GFRA1: variants seen among roughly 807,000 people sequenced by gnomAD.
GFRA1 encodes the protein GDNF family receptor alpha 1, also known as GDNF family receptor alpha-1.
A neutral mutation model predicts 51.6 loss-of-function variants in GFRA1; 16 were observed. That is an observed-to-expected ratio of 0.31 (90% CI 0.21 to 0.47). GFRA1 has a LOEUF of 0.47. GFRA1 is among the 20% of genes least tolerant of loss of function. The pLI, the probability that GFRA1 is intolerant of heterozygous loss-of-function variation, is 1.00. For missense variants in GFRA1, 530 were observed against 594.3 expected, an observed-to-expected ratio of 0.89 and a Z score of 1.13; for synonymous variants, 270 against 241.3, an observed-to-expected ratio of 1.12 and a Z score of -1.10.
chr10:116,119,184 C>A (rs1589803468), intron 6 of GFRA1, among the ~76,000 whole-genome samples: 2 of 152,220 alleles, frequency 1.3e-5, no homozygotes, highest in African/African-American at 4.8e-5. Flanking sequence ...AGGTGCCCCT[C>A]CCCATGGGAT....
chr10:116,209,166 G>A (rs1036205567), intron 5 of GFRA1, among the ~76,000 whole-genome samples: 4 of 152,164 alleles, frequency 2.6e-5, no homozygotes, highest in Non-Finnish European at 4.4e-5. Flanking sequence ...CAGGGTAGAC[G>A]CACACTCTCA....
At chr10:116,214,846 T>G (rs1241864098) in intron 4 of GFRA1, among the ~76,000 whole-genome samples, 1 of 152,244 alleles carries the variant, frequency 6.6e-6, no homozygotes, top group Non-Finnish European at 1.5e-5. Context: ...AGGGATTTAG[T>G]GACTTTATTC....
chr10:116,214,566 C>T (rs1234640716), intron 4 of GFRA1, among the ~76,000 whole-genome samples: 1 of 152,172 alleles, frequency 6.6e-6, no homozygotes, highest in Non-Finnish European at 1.5e-5. Flanking sequence ...TTCATTTAAC[C>T]TTAATGAAGC....
chr10:116,187,802 T>C (rs972388903), intron 5 of GFRA1, among the ~76,000 whole-genome samples: 1 of 152,114 alleles, frequency 6.6e-6, no homozygotes, highest in Non-Finnish European at 1.5e-5. Context: ...AAAATCTAGA[T>C]GAAGGCAGTG....
At chr10:116,107,006 T>C (rs1957032382) in intron 6 of GFRA1, among the ~76,000 whole-genome samples, 1 of 152,192 alleles carries the variant, frequency 6.6e-6, no homozygotes, top group South Asian at 2.1e-4. Flanking sequence ...CTGAGGCCTC[T>C]GCAGAAGCTG....
At chr10:116,238,190 T>C (rs1404309340) in intron 4 of GFRA1, among the ~76,000 whole-genome samples, 1 of 152,196 alleles carries the variant, frequency 6.6e-6, no homozygotes, top group African/African-American at 2.4e-5. Context: ...GGCTCTTTTG[T>C]GCGCAGCTGC....
At chr10:116,233,730 C>A (rs554088254) in intron 4 of GFRA1, among the ~76,000 whole-genome samples, 1 of 152,320 alleles carries the variant, frequency 6.6e-6, no homozygotes, top group Non-Finnish European at 1.5e-5. Flanking sequence ...ATCTGTTCTG[C>A]TCAACTGGCT....
rs1029251138 is a variant in GFRA1 at position 116,079,406 on chromosome 10, C to G, written c.1197+10335G>C. Among the ~76,000 whole-genome samples the G allele has an allele frequency of 2.0e-5, 3 of 152,222 alleles. No individual in the cohort carries two copies. The East Asian group carries it at 5.8e-4, about 30-fold the overall frequency. The stretch of plus-strand genomic sequence containing the variant: ...ATTTGGTCCAGTGCACCAGTTTACA[C>G]TTATATCTCCCTATGCTCCTTGCTA... On this transcript the variant is annotated intron_variant, in intron 9 of 10. Coordinates refer to ENST00000355422, the MANE Select transcript of GFRA1 (RefSeq NM_005264.8).
At chr10:116,072,072 CT>C (rs572390494) in intron 9 of GFRA1, among the ~76,000 whole-genome samples, 240 of 142,138 alleles carry the variant, frequency 1.7e-3, no homozygotes, top group South Asian at 7.6e-3. Flanking sequence ...AATCCAAAGG[CT>C]TTTTTTTTTT....
At chr10:116,271,523 G>C (rs1843936579) in intron 2 of GFRA1, among the ~76,000 whole-genome samples, 1 of 152,158 alleles carries the variant, frequency 6.6e-6, no homozygotes, top group Non-Finnish European at 1.5e-5. Context: ...TGCGGCGGCG[G>C]ACTGGGCACC....
chr10:116,099,808 A>T (rs1319747450), intron 6 of GFRA1, among the ~76,000 whole-genome samples: 1 of 152,236 alleles, frequency 6.6e-6, no homozygotes, highest in East Asian at 1.9e-4. Context: ...TGTTCTTGAT[A>T]AAAGGTAAGA....
intron 4 of GFRA1, among the ~76,000 whole-genome samples, chr10:116,229,669 T>C (rs1966558499): frequency 6.6e-6 from 1 of 152,144 alleles, no homozygotes; most frequent in Non-Finnish European, 1.5e-5. Flanking sequence ...CCTGCTAGGT[T>C]AAAACAGACC....
At chr10:116,065,113 T>TACACAAGAA (rs1955038641) in intron 10 of GFRA1, among the ~76,000 whole-genome samples, 1 of 152,130 alleles carries the variant, frequency 6.6e-6, no homozygotes, top group African/African-American at 2.4e-5. Flanking sequence ...GCCACCCTCC[T>TACACAAGAA]ACACAAGAAA....
intron 4 of GFRA1, among the ~76,000 whole-genome samples, chr10:116,237,680 G>A (rs963108924): frequency 6.6e-6 from 1 of 151,804 alleles, no homozygotes; most frequent in African/African-American, 2.4e-5. Flanking sequence ...ACCCCCCATG[G>A]TGCCTGTCAA....
intron 5 of GFRA1, among the ~76,000 whole-genome samples, chr10:116,180,399 G>T (rs1023150929): frequency 6.6e-6 from 1 of 152,144 alleles, no homozygotes. Flanking sequence ...TTCCAAGAAA[G>T]CTGGGTCCCA....
At chr10:116,084,951 G>A (rs1320065702) in intron 9 of GFRA1, among the ~76,000 whole-genome samples, 1 of 152,092 alleles carries the variant, frequency 6.6e-6, no homozygotes, top group Non-Finnish European at 1.5e-5. Flanking sequence ...CGAAGGAATA[G>A]GCCAACAATA....
At chr10:116,241,903 T>A (rs1967413918) in intron 4 of GFRA1, among the ~76,000 whole-genome samples, 1 of 152,114 alleles carries the variant, frequency 6.6e-6, no homozygotes, top group Non-Finnish European at 1.5e-5. Flanking sequence ...GAAAGTGAGC[T>A]GCCAAACCCT....
intron 4 of GFRA1, among the ~76,000 whole-genome samples, chr10:116,229,928 C>T (rs1425043652): frequency 6.6e-6 from 1 of 152,172 alleles, no homozygotes; most frequent in African/African-American, 2.4e-5. Context: ...TGTATTCCTA[C>T]CAGGCACCCC....
intron 5 of GFRA1, among the ~76,000 whole-genome samples, chr10:116,184,410 G>A (rs1962513020): frequency 6.6e-6 from 1 of 152,158 alleles, no homozygotes; most frequent in Non-Finnish European, 1.5e-5. Flanking sequence ...ATCCATCAGT[G>A]TCCCATTCCC....
Sources: gnomAD v4.1 joint callset for allele counts (sites outside exome capture counted in the v4.1 genomes callset) on GRCh38, gnomAD v4.1.1 for gene constraint, MANE v1.5 for transcripts, NCBI Gene and HGNC (gene_info 2026-07-23, HGNC 2026-07-21) for gene names.